SORL1: variants seen among roughly 807,000 people sequenced by gnomAD.
SORL1 encodes the protein sortilin related receptor 1, also known as sortilin-related receptor.
In SORL1, 127 loss-of-function variants were observed where a neutral mutation model predicts 273.7. That is an observed-to-expected ratio of 0.46 (90% confidence interval 0.40 to 0.54). The LOEUF (loss-of-function observed/expected upper bound fraction) is 0.54, where lower values mean the gene tolerates loss of function less well. Among genes scored for constraint, SORL1 ranks in the 20% least tolerant of loss-of-function variants. The pLI is 0.00. For synonymous variants in SORL1, 1,031 were observed against 1,067.4 expected (o/e 0.97, Z 0.66); for missense variants, 2,494 against 2,846.1 (o/e 0.88, Z 2.81).
chr11:121,567,485 A>G (rs147996936), intron 22 of SORL1, among the ~76,000 whole-genome samples: 116 of 152,228 alleles, frequency 7.6e-4, no homozygotes, highest in African/African-American at 2.6e-3. Context: ...TGTTTTGCAT[A>G]AGTTGGACCA....
chr11:121,574,590 T>G (rs1287566042), intron 24 of SORL1, among the ~76,000 whole-genome samples: 9 of 152,284 alleles, frequency 5.9e-5, no homozygotes, highest in Admixed American at 2.6e-4. Context: ...CTGGAGACAC[T>G]TGCGAACTGG....
At chr11:121,514,034 G>A (rs1861916109) in intron 7 of SORL1, 118 bp from the exon 8 acceptor site, 2 of 1,159,226 alleles carry the variant, frequency 1.7e-6, no homozygotes, top group East Asian at 2.6e-5. Context: ...CTTCCCGTGG[G>A]CTTTAGGCCA....
chr11:121,473,264 G>A (rs1861200427), intron 2 of SORL1, among the ~76,000 whole-genome samples: 1 of 152,210 alleles, frequency 6.6e-6, no homozygotes, highest in African/African-American at 2.4e-5. Context: ...GGGTGTTGGT[G>A]AGCGGCCAAA....
chr11:121,455,543 C>T (rs886203429), intron 1 of SORL1, among the ~76,000 whole-genome samples: 3 of 152,356 alleles, frequency 2.0e-5, no homozygotes, highest in Admixed American at 6.5e-5. Context: ...TCCTCTGCTT[C>T]GCTAATGTCT....
chr11:121,553,117 C>T (rs973687049), intron 16 of SORL1, among the ~76,000 whole-genome samples: 1 of 152,202 alleles, frequency 6.6e-6, no homozygotes, highest in Non-Finnish European at 1.5e-5. Context: ...GTGGTTAAAG[C>T]ATAGACTCTG....
chr11:121,548,520 A>G (rs1040468783), intron 14 of SORL1, among the ~76,000 whole-genome samples: 1 of 152,204 alleles, frequency 6.6e-6, no homozygotes, highest in African/African-American at 2.4e-5. Context: ...GTATCTGTTA[A>G]TACTTTTTGT....
At position 121,586,341 on chromosome 11, in the gene SORL1, C is replaced by G. The variant is rs1863108618; in HGVS notation, c.3814+12C>G. 2 of 1,598,550 alleles carry G rather than the reference C, an allele frequency of 1.3e-6. No individual in the cohort carries two copies. The highest frequency in any genetic ancestry group is 1.1e-5 in the South Asian group (1 of 90,838). On this transcript the variant is annotated intron_variant, in intron 27 of 47. Transcript: ENST00000260197. ...TGAACAGCACTGCGGTGAGTTCATT[C>G]CTTGCCCCCAGGAAGCACTCAGGCC...
intron 27 of SORL1, among the ~76,000 whole-genome samples, chr11:121,587,769 T>C (rs2134895864): frequency 6.6e-6 from 1 of 152,352 alleles, no homozygotes; most frequent in Non-Finnish European, 1.5e-5. Flanking sequence ...TACTTAATGC[T>C]ACTGCCCTTG....
chr11:121,558,500 G>T, intron 19 of SORL1, 91 bp from the exon 20 acceptor site: 1 of 1,372,392 alleles, frequency 7.3e-7, no homozygotes. Flanking sequence ...CGGATCATTC[G>T]AAAGGAGTTT....
intron 30 of SORL1, 189 bp downstream of exon 30, chr11:121,590,363 A>G (rs1863191064): frequency 5.1e-6 from 3 of 584,934 alleles, no homozygotes; most frequent in Non-Finnish European, 8.9e-6. Context: ...TCCTATTTTC[A>G]GGCTATTTAT....
rs75560181 is a variant in SORL1 at position 121,594,401 on chromosome 11, T to G, written c.4370-1222T>G. Reference sequence around the variant, plus strand: ...CTCCTGATCTGGTCTTCTTCCTTATTTTTTTGTTTAATCTTTTATAGTTTT... The same window carrying G: ...CTCCTGATCTGGTCTTCTTCCTTATGTTTTTGTTTAATCTTTTATAGTTTT... On this transcript the variant is annotated intron_variant, in intron 31 of 47. Coordinates refer to ENST00000260197, the MANE Select transcript of SORL1 (RefSeq NM_003105.6). Among the ~76,000 whole-genome samples the G allele has an allele frequency of 7.2e-3, 1,096 of 152,206 alleles. 11 individuals are homozygous for G. The highest frequency in any genetic ancestry group is 0.025 in the African/African-American group (1,024 of 41,560).
At chr11:121,473,540 C>T (rs1166827733) in intron 2 of SORL1, among the ~76,000 whole-genome samples, 1 of 151,978 alleles carries the variant, frequency 6.6e-6, no homozygotes, top group Non-Finnish European at 1.5e-5. Context: ...TTACAAAGTG[C>T]TCAGGTGCAA....
intron 5 of SORL1, among the ~76,000 whole-genome samples, chr11:121,495,532 G>C (rs1277364964): frequency 1.3e-5 from 2 of 152,204 alleles, no homozygotes; most frequent in African/African-American, 4.8e-5. Flanking sequence ...ATATGGGATT[G>C]TATAAGGGCA....
Position 121,513,072 on chromosome 11 carries a change from G to A in SORL1, c.1009G>A (p.Ala337Thr). ...WVSFGRKPMR[A>T]AQFVTRHPIN... is the part of the protein sequence containing the mutation. The stretch of plus-strand genomic sequence containing the variant: ...CTCCTTTGGCCGGAAGCCCATGAGA[G>A]CAGCCCAGTTTGTCACAAGACATCC... The change falls in exon 7 of 48, where the codon GCA (alanine) becomes ACA (threonine). Residue 337 changes from alanine to threonine, a missense_variant. By Grantham distance (58) the Ala-to-Thr change is moderately conservative (BLOSUM62 0). This residue lies in a region of SORL1 where 710 missense variants were observed against 882.5 expected (regional missense o/e 0.80). Coordinates refer to ENST00000260197, the MANE Select transcript of SORL1 (RefSeq NM_003105.6). 1 of 1,613,996 alleles carries A rather than the reference G, an allele frequency of 6.2e-7. No individual in the cohort carries two copies. Among genetic ancestry groups the A allele is most frequent in the Admixed American group, 1.7e-5 (1 of 60,034 alleles).
chr11:121,605,089 T>A (rs1784929), intron 33 of SORL1, 24 bp from the exon 34 acceptor site: 1,589,840 of 1,590,472 alleles, frequency 1, 794,607 homozygotes, highest in East Asian at 1. Flanking sequence ...ACTTTGTTTG[T>A]CTTTTTCTCC....
chr11:121,570,121 G>C, intron 22 of SORL1, 36 bp from the exon 23 acceptor site: 1 of 1,408,826 alleles, frequency 7.1e-7, no homozygotes, highest in Non-Finnish European at 1.0e-6. Flanking sequence ...AATAATATTG[G>C]TTTCATTTCC....
Position 121,532,536 on chromosome 11 carries a change from G to A in SORL1, c.1669G>A (p.Glu557Lys). The A allele has an allele frequency of 1.2e-6, 2 of 1,614,080 alleles. 1 individual carries two copies. The highest frequency in any genetic ancestry group is 1.7e-6 in the Non-Finnish European group (2 of 1,179,972). The change falls in exon 12 of 48, where the codon GAA (glutamate) becomes AAA (lysine). Residue 557 changes from glutamate to lysine, a missense_variant. Glu to Lys is a moderately conservative substitution (Grantham distance 56). Transcript: ENST00000260197. ...GIITAIAQGM[E>K]TNELKYSTNE... is the part of the protein sequence containing the mutation. The stretch of plus-strand genomic sequence containing the variant: ...CATCACGGCCATTGCCCAGGGCATG[G>A]AAACCAACGAGCTAAAGTAAGTGTC...
chr11:121,543,821 G>C lies in SORL1; in HGVS notation c.1864+95G>C, dbSNP rs1862383570. On this transcript the variant is annotated intron_variant, in intron 13 of 47. Coordinates refer to ENST00000260197, the MANE Select transcript of SORL1 (RefSeq NM_003105.6). ...GCTTAGATACTGTGTACTCAGAAGA[G>C]CCTGACATTCATTGGGGGAGATGGG... 8.4e-6 allele frequency: 10 copies of C among 1,193,852 alleles called. No individual in the cohort carries two copies. In the East Asian group the frequency reaches 2.2e-4, roughly 26 times the overall value. The allele number at this position is 1,193,852 out of a possible 1,614,324, so 74.0% of individuals were successfully genotyped here.
chr11:121,492,311 A>G (rs562818750), intron 5 of SORL1, among the ~76,000 whole-genome samples: 2 of 152,268 alleles, frequency 1.3e-5, no homozygotes, highest in East Asian at 3.9e-4. Flanking sequence ...CAGTGAGCTG[A>G]GATTGCGTCA....
Sources: allele counts gnomAD v4.1 joint callset (sites outside exome capture counted in the v4.1 genomes callset), GRCh38; gene constraint gnomAD v4.1.1; regional missense constraint gnomAD v4.1.1; transcripts MANE v1.5; gene names NCBI Gene and HGNC (gene_info 2026-07-23, HGNC 2026-07-21).